Variants in TBC1D31 observed in about 807,000 individuals in gnomAD.
TBC1D31 encodes TBC1 domain family member 31.
Under a neutral mutation model 132.9 loss-of-function variants are expected in TBC1D31, and 99 were observed. The ratio of observed to expected loss-of-function variants is 0.74; its 90% confidence interval spans 0.63 to 0.88. The LOEUF (loss-of-function observed/expected upper bound fraction) is 0.88, where lower values mean the gene tolerates loss of function less well. TBC1D31 is among the 40% of genes least tolerant of loss of function. TBC1D31 has a pLI of 0.00. For missense variants in TBC1D31, 1,134 were observed against 1,256.6 expected (o/e 0.90, Z 1.48); for synonymous variants, 385 against 419.4 (o/e 0.92, Z 1.00).
intron 3 of TBC1D31, chr8:123,083,794 T>A (rs1391346256): frequency 6.0e-6 from 1 of 167,910 alleles, no homozygotes; most frequent in African/African-American, 2.4e-5. Flanking sequence ...TTAGTCTTTC[T>A]TGTTCAATCT....
chr8:123,144,855 G>A lies in TBC1D31; in HGVS notation c.2974G>A (p.Glu992Lys), dbSNP rs750623016. 19 of 1,609,596 alleles carry A rather than the reference G, an allele frequency of 1.2e-5. No individual in the cohort carries two copies. The South Asian group carries it at 2.1e-4, about 18-fold the overall frequency. Residue 992 changes from glutamate (E) to lysine (K), a missense_variant and splice_region_variant, in exon 20 of 22, where the codon GAA (glutamate) becomes AAA (lysine). Glu to Lys is a moderately conservative substitution (Grantham distance 56, BLOSUM62 1). Coordinates refer to ENST00000287380, the MANE Select transcript of TBC1D31 (RefSeq NM_145647.4). The part of the protein sequence containing the change: ...VEHAENPCHK[E>K]EPRFQNEQDS... ...ACATGCTGAAAATCCATGTCATAAA[G>A]GTGAGTGTCTGAGAGGCCTTTCTCT...
At chr8:123,098,388 G>A (rs1437898767) in intron 6 of TBC1D31, among the ~76,000 whole-genome samples, 2 of 152,006 alleles carry the variant, frequency 1.3e-5, no homozygotes, top group Non-Finnish European at 2.9e-5. Flanking sequence ...TGCAACCTCC[G>A]CCTCCCAGGC....
intron 10 of TBC1D31, among the ~76,000 whole-genome samples, chr8:123,114,391 G>A (rs560393543): frequency 6.6e-6 from 1 of 152,070 alleles, no homozygotes; most frequent in Non-Finnish European, 1.5e-5. Context: ...TGCCATCTTG[G>A]CTCACTGTAA....
intron 17 of TBC1D31, among the ~76,000 whole-genome samples, chr8:123,135,955 C>T (rs1821054309): frequency 6.6e-6 from 1 of 152,190 alleles, no homozygotes; most frequent in Non-Finnish European, 1.5e-5. Context: ...GATTTTTAAA[C>T]ACTAACATTC....
intron 20 of TBC1D31, among the ~76,000 whole-genome samples, chr8:123,147,597 C>A (rs891033988): frequency 6.6e-6 from 1 of 152,190 alleles, no homozygotes; most frequent in Non-Finnish European, 1.5e-5. Context: ...GCCCCTCTGC[C>A]TCCATGATGT....
At chr8:123,102,390 C>T in intron 7 of TBC1D31, 2 of 369,420 alleles carry the variant, frequency 5.4e-6, no homozygotes, top group Non-Finnish European at 1.1e-5. Flanking sequence ...TTTGTGCCTC[C>T]TCCTTTTTGT....
chr8:123,119,006 A>G (rs1819222849), intron 10 of TBC1D31, among the ~76,000 whole-genome samples: 1 of 152,240 alleles, frequency 6.6e-6, no homozygotes. Flanking sequence ...GATTACATGC[A>G]TGAGTCACTG....
chr8:123,127,261 ATTTTTTTTTTTT>A (rs35198781), intron 13 of TBC1D31, among the ~76,000 whole-genome samples: 41 of 69,916 alleles, frequency 5.9e-4, no homozygotes, highest in African/African-American at 2.4e-3. Context: ...TGCTTTTTGC[ATTTTTTTTTTTT>A]TTTTTTTTTT....
At chr8:123,127,115 A>C (rs1040428469) in intron 13 of TBC1D31, among the ~76,000 whole-genome samples, 3 of 152,278 alleles carry the variant, frequency 2.0e-5, no homozygotes, top group Middle Eastern at 3.4e-3. Flanking sequence ...GCTAGGTAGT[A>C]GGAATATAAA....
intron 4 of TBC1D31, among the ~76,000 whole-genome samples, chr8:123,092,250 G>C (rs1272322720): frequency 6.6e-6 from 1 of 151,998 alleles, no homozygotes; most frequent in African/African-American, 2.4e-5. Flanking sequence ...CTTGACCTCA[G>C]GTGATCCACC....
intron 3 of TBC1D31, 43 bp from the exon 4 acceptor site, chr8:123,084,119 G>A (rs372158285): frequency 3.4e-5 from 52 of 1,542,542 alleles, no homozygotes; most frequent in Non-Finnish European, 3.9e-5. Flanking sequence ...ACTTCTAGAC[G>A]TACAGTGTTT....
rs750822564 is a variant in TBC1D31, at chr8:123,128,645, G to T, written c.2117+132G>T. On this transcript the variant is annotated intron_variant, in intron 14 of 21. Coordinates refer to ENST00000287380, the MANE Select transcript of TBC1D31 (RefSeq NM_145647.4). The stretch of plus-strand genomic sequence containing the variant: ...TAGTCCCAGCACTTTGGGAGGCCAA[G>T]GCAGGTAGATCACAAGGTCAGGAGT... 5.6e-4 allele frequency: 373 copies of T among 662,370 alleles called. 3 individuals are homozygous for T. Among genetic ancestry groups the T allele is most frequent in the Non-Finnish European group, 7.8e-4 (307 of 394,050 alleles). 41.0% of individuals were successfully genotyped at this position (662,370 alleles called of 1,614,324 possible).
At chr8:123,116,304 C>T (rs1292229632) in intron 10 of TBC1D31, among the ~76,000 whole-genome samples, 1 of 152,002 alleles carries the variant, frequency 6.6e-6, no homozygotes, top group African/African-American at 2.4e-5. Context: ...AGATTTAATT[C>T]CTTTTTAAAA....
At chr8:123,158,586 G>A in the TBC1D31 span, among the ~76,000 whole-genome samples, 118,943 of 152,072 alleles carry the variant, frequency 0.78, 47,002 homozygotes, top group African/African-American at 0.9. Context: ...CAACTTTTCT[G>A]TTTGTCTGAA....
intron 4 of TBC1D31, among the ~76,000 whole-genome samples, chr8:123,093,168 C>T (rs546943982): frequency 2.6e-5 from 4 of 152,040 alleles, no homozygotes; most frequent in Admixed American, 2.0e-4. Context: ...AGGCTGGTCT[C>T]GAACTTATGT....
rs181642790 is a variant in TBC1D31 at position 123,128,084 on chromosome 8, T to C, written c.1885-197T>C. 3.3e-5 allele frequency: 13 copies of C among 390,556 alleles called. 1 individual carries two copies. In the East Asian group the frequency reaches 5.1e-4, roughly 15 times the overall value. The allele number at this position is 390,556 out of a possible 1,614,324, so 24.2% of individuals were successfully genotyped here. ...TTTTTTAATTTTATGTCAGAATTTC[T>C]TATGATTGTGAAACTCTTACATTTT... On this transcript the variant is annotated intron_variant, in intron 13 of 21. Coordinates refer to ENST00000287380, the MANE Select transcript of TBC1D31 (RefSeq NM_145647.4).
Position 123,093,726 on chromosome 8 carries a change from G to A in TBC1D31, c.655G>A (p.Val219Met). The A allele has an allele frequency of 6.3e-7, 1 of 1,587,932 alleles. No homozygotes were observed. Among genetic ancestry groups the A allele is most frequent in the South Asian group, 1.2e-5 (1 of 85,896 alleles). The change falls in exon 5 of 22, where the codon GTG becomes ATG. Residue 219 changes from valine (V) to methionine (M), a missense_variant. Physicochemically the swap from Val to Met is conservative, Grantham distance 21. Coordinates refer to ENST00000287380, the MANE Select transcript of TBC1D31 (RefSeq NM_145647.4). ...PPESSSILYK[V>M]FAVTRDGRIL... The stretch of plus-strand genomic sequence containing the variant: ...TGAAAGCTCTAGTATATTATACAAA[G>A]TGTTTGCTGTAACCAGGTAATGTGC...
chr8:123,083,968 T>G, intron 3 of TBC1D31, 194 bp from the exon 4 acceptor site: 101 of 501,736 alleles, frequency 2.0e-4, no homozygotes, highest in East Asian at 3.8e-4. Flanking sequence ...CCTACATGAA[T>G]GAGATGTTGC....
At chr8:123,111,306 G>A (rs1266242123) in intron 10 of TBC1D31, among the ~76,000 whole-genome samples, 3 of 152,096 alleles carry the variant, frequency 2.0e-5, no homozygotes, top group African/African-American at 7.2e-5. Context: ...TTATAAACCG[G>A]GAAATTTCTC....
Sources: allele counts gnomAD v4.1 joint callset (sites outside exome capture counted in the v4.1 genomes callset), GRCh38; gene constraint gnomAD v4.1.1; transcripts MANE v1.5; gene names NCBI Gene and HGNC (gene_info 2026-07-23, HGNC 2026-07-21).